Variants in PAK1 observed in about 807,000 individuals in gnomAD.
The protein encoded by PAK1 is p21 (RAC1) activated kinase 1, also known as serine/threonine-protein kinase PAK 1.
Under a neutral mutation model 67.4 loss-of-function variants are expected in PAK1, and 29 were observed. The observed-to-expected ratio is 0.43, with a 90% CI of 0.32 to 0.59. PAK1 has a LOEUF of 0.59. PAK1 is among the 20% of genes least tolerant of loss of function. The pLI is 0.07. For missense variants in PAK1, 337 were observed against 670.7 expected (o/e 0.50, Z 5.50); for synonymous variants, 223 against 237.4 (o/e 0.94, Z 0.56).
intron 1 of PAK1, among the ~76,000 whole-genome samples, chr11:77,414,809 G>T (rs1954857874): frequency 6.6e-6 from 1 of 151,910 alleles, no homozygotes; most frequent in African/African-American, 2.4e-5. Flanking sequence ...TATAATGTAG[G>T]GGAAAATCTA....
chr11:77,333,182 A>C (rs1048122653), intron 13 of PAK1, among the ~76,000 whole-genome samples: 3 of 143,412 alleles, frequency 2.1e-5, no homozygotes, highest in East Asian at 2.0e-4. Context: ...CTAAGGGTTT[A>C]TTCTTCTTCT....
chr11:77,490,021 C>A, the PAK1 span, among the ~76,000 whole-genome samples: 1,593 of 151,122 alleles, frequency 0.011, 9 homozygotes, highest in Middle Eastern at 0.017. Flanking sequence ...TCTTCCCGGC[C>A]GCCATCCCAT....
chr11:77,453,514 AT>A (rs1026446328), intron 1 of PAK1, among the ~76,000 whole-genome samples: 13 of 135,576 alleles, frequency 9.6e-5, no homozygotes, highest in Admixed American at 6.3e-4. Context: ...TGTGAGATAT[AT>A]TAAAAAAAAA....
At chr11:77,366,848 G>A (rs7109685) in intron 5 of PAK1, among the ~76,000 whole-genome samples, 1 of 152,104 alleles carries the variant, frequency 6.6e-6, no homozygotes, top group Non-Finnish European at 1.5e-5. Flanking sequence ...CCATTCCTTG[G>A]TATATACTCT....
chr11:77,471,504 G>A (rs1260487856), intron 1 of PAK1, among the ~76,000 whole-genome samples: 1 of 152,114 alleles, frequency 6.6e-6, no homozygotes, highest in African/African-American at 2.4e-5. Context: ...AGAGACTAAG[G>A]GACTGCATCC....
chr11:77,414,112 C>A (rs920709245), intron 1 of PAK1, among the ~76,000 whole-genome samples: 1 of 152,186 alleles, frequency 6.6e-6, no homozygotes, highest in Non-Finnish European at 1.5e-5. Flanking sequence ...CCAGGAGCAA[C>A]GTCCTCCAGG....
chr11:77,352,327 CTAGCTTCTTTCACTCAAAA>C (rs1340287550), intron 8 of PAK1, among the ~76,000 whole-genome samples: 1 of 152,090 alleles, frequency 6.6e-6, no homozygotes, highest in Non-Finnish European at 1.5e-5. Flanking sequence ...TTTTTCATAT[CTAGCTTCTTTCACTCAAAA>C]TAACAGCCAA....
chr11:77,447,731 G>T (rs1373144415), intron 1 of PAK1, among the ~76,000 whole-genome samples: 1 of 152,084 alleles, frequency 6.6e-6, no homozygotes, highest in African/African-American at 2.4e-5. Context: ...TCATCATGTT[G>T]GCCGGACTGG....
At chr11:77,461,743 T>G (rs1424121440) in intron 1 of PAK1, among the ~76,000 whole-genome samples, 1 of 152,238 alleles carries the variant, frequency 6.6e-6, no homozygotes, top group Non-Finnish European at 1.5e-5. Flanking sequence ...TTCAAAAGTT[T>G]GTGAAACAAA....
chr11:77,446,515 A>AT (rs1162054584), intron 1 of PAK1, among the ~76,000 whole-genome samples: 1 of 149,862 alleles, frequency 6.7e-6, no homozygotes, highest in African/African-American at 2.4e-5. Context: ...CTGTCTCAAA[A>AT]AAAAAAAAAA....
At chr11:77,512,343 C>T in the PAK1 span, among the ~76,000 whole-genome samples, 3 of 151,930 alleles carry the variant, frequency 2.0e-5, no homozygotes, top group African/African-American at 7.3e-5. Context: ...CCACCCTCTT[C>T]TCCTTCTACC....
chr11:77,394,641 T>C (rs1033120641), intron 1 of PAK1, among the ~76,000 whole-genome samples: 3 of 152,092 alleles, frequency 2.0e-5, no homozygotes, highest in Non-Finnish European at 4.4e-5. Context: ...GGTCAAGAGA[T>C]TGAGACCATC....
At chr11:77,328,900 GAAGAA>G (rs1940729998) in intron 14 of PAK1, among the ~76,000 whole-genome samples, 1 of 152,072 alleles carries the variant, frequency 6.6e-6, no homozygotes, top group South Asian at 2.1e-4. Flanking sequence ...GACTAATAAA[GAAGAA>G]AAGAGAGAAG....
chr11:77,447,627 C>T (rs1305447917), intron 1 of PAK1, among the ~76,000 whole-genome samples: 3 of 151,900 alleles, frequency 2.0e-5, no homozygotes, highest in Admixed American at 1.3e-4. Context: ...CGGGTTCAAG[C>T]GATTCTCCTG....
chr11:77,460,023 C>G (rs1232555198), intron 1 of PAK1, among the ~76,000 whole-genome samples: 1 of 151,832 alleles, frequency 6.6e-6, no homozygotes, highest in East Asian at 1.9e-4. Context: ...TTAGAAAGGT[C>G]CTGGTTTACA....
At chr11:77,333,198 T>C (rs1004267692) in intron 13 of PAK1, among the ~76,000 whole-genome samples, 27 of 145,940 alleles carry the variant, frequency 1.9e-4, no homozygotes, top group African/African-American at 5.3e-4. Flanking sequence ...CTTCTTCTTT[T>C]TTTTTTTTTT....
At chr11:77,390,991 T>C (rs1283984148) in intron 2 of PAK1, among the ~76,000 whole-genome samples, 1 of 152,192 alleles carries the variant, frequency 6.6e-6, no homozygotes, top group Non-Finnish European at 1.5e-5. Context: ...ACAAATGCAA[T>C]GTGTCCAAAA....
intron 14 of PAK1, among the ~76,000 whole-genome samples, chr11:77,327,045 C>T (rs941143370): frequency 6.6e-5 from 10 of 150,974 alleles, no homozygotes; most frequent in South Asian, 2.1e-4. Context: ...TGATGGAAGA[C>T]GAAATGAATG....
At chr11:77,329,554 G>A (rs1182252780) in intron 14 of PAK1, among the ~76,000 whole-genome samples, 2 of 152,166 alleles carry the variant, frequency 1.3e-5, no homozygotes, top group African/African-American at 2.4e-5. Flanking sequence ...CTCAATAGAT[G>A]CAGAAAAGGC....
Sources: gnomAD v4.1 joint callset for allele counts (sites outside exome capture counted in the v4.1 genomes callset) on GRCh38, gnomAD v4.1.1 for gene constraint, MANE v1.5 for transcripts, NCBI Gene and HGNC (gene_info 2026-07-23, HGNC 2026-07-21) for gene names.